Variants in TENM2 observed in about 807,000 individuals in gnomAD.
TENM2 encodes the protein teneurin transmembrane protein 2.
Under a neutral mutation model 245.2 loss-of-function variants are expected in TENM2, and 52 were observed. That is an observed-to-expected ratio of 0.21 (90% CI 0.17 to 0.27). The LOEUF is 0.27. Among genes scored for constraint, TENM2 ranks in the 10% least tolerant of loss-of-function variants. The pLI, the probability that TENM2 is intolerant of heterozygous loss-of-function variation, is 1.00. For missense variants in TENM2, 3,046 were observed against 3,666.8 expected, an observed-to-expected ratio of 0.83 and a Z score of 4.37; for synonymous variants, 1,363 against 1,438.9, an observed-to-expected ratio of 0.95 and a Z score of 1.19.
At chr5:168,181,669 CTTTTTTT>C (rs36042366) in intron 13 of TENM2, among the ~76,000 whole-genome samples, 15 of 78,892 alleles carry the variant, frequency 1.9e-4, no homozygotes, top group African/African-American at 3.0e-4. Flanking sequence ...AGTTTTACTT[CTTTTTTT>C]TTTTTTTTTT....
chr5:168,055,847 C>G (rs1316290424), intron 6 of TENM2, among the ~76,000 whole-genome samples: 1 of 152,228 alleles, frequency 6.6e-6, no homozygotes, highest in Non-Finnish European at 1.5e-5. Flanking sequence ...CAAAGGCACA[C>G]AGCTGGTAGC....
intron 9 of TENM2, among the ~76,000 whole-genome samples, chr5:168,102,361 C>T (rs772341218): frequency 2.0e-5 from 3 of 152,186 alleles, no homozygotes; most frequent in Admixed American, 1.3e-4. Flanking sequence ...GCGTGAGCCA[C>T]CTCGCCCAGC....
At chr5:167,789,837 G>C (rs1764826937) in intron 2 of TENM2, among the ~76,000 whole-genome samples, 1 of 152,192 alleles carries the variant, frequency 6.6e-6, no homozygotes, top group Admixed American at 6.5e-5. Flanking sequence ...TTTAATAAGA[G>C]CTCCTTCTCT....
At chr5:168,236,394 G>A (rs181219626) in intron 25 of TENM2, among the ~76,000 whole-genome samples, 30 of 152,256 alleles carry the variant, frequency 2.0e-4, no homozygotes, top group Middle Eastern at 6.8e-3. Flanking sequence ...AAACAGCCAT[G>A]CTCTGCCTGT....
At chr5:167,034,328 G>A in the TENM2 span, among the ~76,000 whole-genome samples, 4 of 151,562 alleles carry the variant, frequency 2.6e-5, no homozygotes, top group Non-Finnish European at 5.9e-5. Flanking sequence ...AGAAAAATAG[G>A]TGTACATGTG....
chr5:168,150,926 A>C (rs1402030646), intron 12 of TENM2, among the ~76,000 whole-genome samples: 1 of 152,214 alleles, frequency 6.6e-6, no homozygotes, highest in Non-Finnish European at 1.5e-5. Context: ...TATGTATTTC[A>C]TACCATCCTT....
At chr5:167,158,399 C>T in the TENM2 span, among the ~76,000 whole-genome samples, 1 of 152,260 alleles carries the variant, frequency 6.6e-6, no homozygotes, top group African/African-American at 2.4e-5. Flanking sequence ...CTTTCTTGCT[C>T]TTCTTTATCA....
intron 7 of TENM2, among the ~76,000 whole-genome samples, chr5:168,071,082 T>G (rs1790976743): frequency 6.6e-6 from 1 of 152,138 alleles, no homozygotes; most frequent in African/African-American, 2.4e-5. Context: ...GTCCAAACTA[T>G]CTGACTCTGA....
At chr5:167,240,115 CT>C in the TENM2 span, among the ~76,000 whole-genome samples, 2 of 152,156 alleles carry the variant, frequency 1.3e-5, no homozygotes, top group African/African-American at 4.8e-5. Flanking sequence ...TGAAGTTTTC[CT>C]AAAAATACTT....
intron 2 of TENM2, among the ~76,000 whole-genome samples, chr5:167,612,092 A>T (rs1240210264): frequency 6.6e-6 from 1 of 152,150 alleles, no homozygotes; most frequent in African/African-American, 2.4e-5. Flanking sequence ...AGTCATGTGC[A>T]AGGTAAGAAT....
chr5:167,156,816 G>A, the TENM2 span, among the ~76,000 whole-genome samples: 5 of 152,158 alleles, frequency 3.3e-5, no homozygotes, highest in African/African-American at 1.2e-4. Context: ...CAGACTACCA[G>A]AAGTTTGAGT....
intron 23 of TENM2, among the ~76,000 whole-genome samples, chr5:168,221,517 C>A (rs1359466521): frequency 6.6e-6 from 1 of 152,174 alleles, no homozygotes; most frequent in African/African-American, 2.4e-5. Context: ...CTTCAGACTC[C>A]ACATGGGAAC....
chr5:168,145,056 G>T (rs1489586818), intron 12 of TENM2, among the ~76,000 whole-genome samples: 1 of 151,816 alleles, frequency 6.6e-6, no homozygotes, highest in Non-Finnish European at 1.5e-5. Context: ...ATTTGTTTGA[G>T]TTCACTGTAG....
chr5:167,298,326 G>A (rs532347477), intron 1 of TENM2, among the ~76,000 whole-genome samples: 41 of 152,290 alleles, frequency 2.7e-4, no homozygotes, highest in Non-Finnish European at 3.7e-4. Flanking sequence ...AAATGGGGCC[G>A]GGTGCGGTGG....
the TENM2 span, among the ~76,000 whole-genome samples, chr5:167,256,910 T>G: frequency 1.3e-5 from 2 of 152,102 alleles, no homozygotes; most frequent in Non-Finnish European, 2.9e-5. Context: ...GTAAAACAAC[T>G]TATAGGAAGT....
intron 2 of TENM2, among the ~76,000 whole-genome samples, chr5:167,728,401 G>A (rs563372939): frequency 2.0e-5 from 3 of 152,086 alleles, no homozygotes; most frequent in East Asian, 1.9e-4. Context: ...CCAGGAATTC[G>A]AGACTGGCCT....
intron 2 of TENM2, among the ~76,000 whole-genome samples, chr5:167,494,902 A>C (rs945321067): frequency 6.6e-6 from 1 of 152,140 alleles, no homozygotes. Context: ...TTAAGATTTC[A>C]TTTAGACTAT....
At chr5:168,262,398 T>C (rs1235426175) in exon 29 of TENM2, 5 of 1,591,534 alleles carry the variant, frequency 3.1e-6, no homozygotes, top group Middle Eastern at 3.3e-4. Context: ...GGCACCACCA[T>C]CGGCCGCAAG....
At chr5:167,439,984 T>C (rs897975976) in intron 2 of TENM2, among the ~76,000 whole-genome samples, 1 of 152,212 alleles carries the variant, frequency 6.6e-6, no homozygotes, top group Non-Finnish European at 1.5e-5. Context: ...GTTGACCATC[T>C]CTTGTAGCTG....
Sources: gnomAD v4.1 joint callset for allele counts (sites outside exome capture counted in the v4.1 genomes callset) on GRCh38, gnomAD v4.1.1 for gene constraint, MANE v1.5 for transcripts, NCBI Gene and HGNC (gene_info 2026-07-23, HGNC 2026-07-21) for gene names.